KIRREL3: variants seen among roughly 807,000 people sequenced by gnomAD.
KIRREL3 encodes the protein kirre like nephrin family adhesion molecule 3.
Under a neutral mutation model 89.7 loss-of-function variants are expected in KIRREL3, and 36 were observed. The ratio of observed to expected loss-of-function variants is 0.40; its 90% CI spans 0.31 to 0.53. The LOEUF (loss-of-function observed/expected upper bound fraction) is 0.53, where lower values mean the gene tolerates loss of function less well. Ranked by LOEUF, KIRREL3 falls within the 20% of genes least tolerant of loss-of-function variation. The pLI, the probability that KIRREL3 is intolerant of heterozygous loss-of-function variation, is 0.49. For missense variants in KIRREL3, 864 were observed against 1,056.6 expected (o/e 0.82, Z 2.53); for synonymous variants, 445 against 441.4 (o/e 1.01, Z -0.10).
At chr11:126,841,964 C>T (rs1370291491) in intron 1 of KIRREL3, among the ~76,000 whole-genome samples, 1 of 152,216 alleles carries the variant, frequency 6.6e-6, no homozygotes, top group Admixed American at 6.5e-5. Context: ...AACCTTGCTT[C>T]CCGTTTTTTT....
rs1565538725 is a variant in KIRREL3 at position 126,544,570 on chromosome 11, T to C, written c.134-17883A>G. ...CTGGGGCTATGGAAGGGACTTTCCA[T>C]AGAGGGTCTTTGGCTGAGAGTCTGC... On this transcript the variant is annotated intron_variant, in intron 2 of 16. Transcript: ENST00000525144. The surrounding 1 kb of genome is among the most constrained non-coding windows in gnomAD (Gnocchi z 5.6). Among the ~76,000 whole-genome samples the C allele has an allele frequency of 6.6e-6, 1 of 152,124 alleles. No homozygotes were observed. The highest frequency in any genetic ancestry group is 6.5e-5 in the Admixed American group (1 of 15,280).
In KIRREL3 at chr11:126,441,226, G is replaced by C. The variant is rs1955551550; in HGVS notation, c.1253-677C>G. Among the ~76,000 whole-genome samples, 1 of 152,204 alleles carries C rather than the reference G, an allele frequency of 6.6e-6. No homozygotes were observed. Among genetic ancestry groups the C allele is most frequent in the Admixed American group, 6.5e-5 (1 of 15,284 alleles). The stretch of plus-strand genomic sequence containing the variant: ...GTCCATACCCAGACTGCCCAAGTGA[G>C]GCCATGGCTCCCAAACTGACCCCAA... On this transcript the variant is annotated intron_variant, in intron 10 of 16. Transcript: ENST00000525144. The surrounding 1 kb of genome is among the most constrained non-coding windows in gnomAD (Gnocchi z 5.0).
chr11:126,778,227 TG>T lies in KIRREL3; in HGVS notation c.56-215316del, dbSNP rs1428011845. ...ACATATTTTTTCTTTTTAATTAAAA[TG>T]GGATCATATTATACACCTTGTTCTG... On this transcript the variant is annotated intron_variant, in intron 1 of 16. Transcript: ENST00000525144. This position sits in a 1 kb window ranked among gnomAD's most constrained non-coding sequence, Gnocchi z 4.5. Among the ~76,000 whole-genome samples the T allele has an allele frequency of 6.6e-6, 1 of 152,174 alleles. No individual in the cohort carries two copies. Among genetic ancestry groups the T allele is most frequent in the Non-Finnish European group, 1.5e-5 (1 of 68,022 alleles).
Position 126,440,478 on chromosome 11 carries a change from T to A in KIRREL3, c.1324A>T (p.Ile442Phe). 1 of 1,595,178 alleles carries A rather than the reference T, an allele frequency of 6.3e-7. No homozygotes were observed. Among genetic ancestry groups the A allele is most frequent in the Non-Finnish European group, 8.5e-7 (1 of 1,171,590 alleles). Residue 442 changes from isoleucine to phenylalanine, a missense_variant, in exon 11 of 17, where the codon ATC becomes TTC. Physicochemically the swap from Ile to Phe is conservative, Grantham distance 21 (BLOSUM62 0). Coordinates refer to ENST00000525144, the MANE Select transcript of KIRREL3 (RefSeq NM_032531.4). ...HGEKGQIKCF[I>F]RSTPPPDRIA... ...CGGTCCGGCGGCGGCGTGCTCCGGA[T>A]GAAGCACTTGATCTGGCCCTTCTCG...
chr11:126,805,326 T>C lies in KIRREL3; in HGVS notation c.55+195129A>G, dbSNP rs1053927969. On this transcript the variant is annotated intron_variant, in intron 1 of 16. Coordinates refer to ENST00000525144, the MANE Select transcript of KIRREL3 (RefSeq NM_032531.4). The surrounding 1 kb of genome is among the most constrained non-coding windows in gnomAD (Gnocchi z 4.3). ...TGCCATTCATCAGTCAGCATTGATA[T>C]GGAGAGGGAAAGGAGATTACCCTAT... Among the ~76,000 whole-genome samples, 2 of 152,144 alleles carry C rather than the reference T, an allele frequency of 1.3e-5. No individual in the cohort carries two copies. The highest frequency in any genetic ancestry group is 4.8e-5 in the African/African-American group (2 of 41,422).
intron 1 of KIRREL3, among the ~76,000 whole-genome samples, chr11:126,865,137 C>T (rs1944875341): frequency 6.6e-6 from 1 of 152,236 alleles, no homozygotes; most frequent in Non-Finnish European, 1.5e-5. Flanking sequence ...TTCTCTTCTG[C>T]CCCTGGGCCA....
At chr11:126,784,111 C>T (rs113077608) in intron 1 of KIRREL3, among the ~76,000 whole-genome samples, 2,927 of 152,264 alleles carry the variant, frequency 0.019, 55 homozygotes, top group Admixed American at 0.07. Flanking sequence ...GTCACAGCCA[C>T]GTGGAGGTTA....
chr11:126,701,491 G>A (rs915384254), intron 1 of KIRREL3, among the ~76,000 whole-genome samples: 1 of 152,172 alleles, frequency 6.6e-6, no homozygotes, highest in Non-Finnish European at 1.5e-5. Flanking sequence ...GTGGCTTGGA[G>A]CTTGCAATCT....
At chr11:126,800,113 C>T (rs1196450533) in intron 1 of KIRREL3, among the ~76,000 whole-genome samples, 4 of 152,180 alleles carry the variant, frequency 2.6e-5, no homozygotes, top group Admixed American at 1.3e-4. Context: ...GGCTGGGCCC[C>T]GCTGCATCTA....
intron 1 of KIRREL3, chr11:126,936,009 C>T (rs1230023227): frequency 2.0e-5 from 3 of 152,174 alleles, no homozygotes; most frequent in Non-Finnish European, 4.4e-5. Flanking sequence ...GACCTCTGTA[C>T]TTTCTGTTCA....
chr11:126,436,745 C>T (rs1955355034), intron 12 of KIRREL3, 66 bp downstream of exon 12: 3 of 1,577,146 alleles, frequency 1.9e-6, no homozygotes, highest in Non-Finnish European at 1.7e-6. Flanking sequence ...GCGCCCTGAC[C>T]TAGGTGAGGA....
intron 1 of KIRREL3, among the ~76,000 whole-genome samples, chr11:126,880,595 A>T (rs551060257): frequency 6.6e-6 from 1 of 152,154 alleles, no homozygotes; most frequent in East Asian, 1.9e-4. Context: ...TGCAGAAACC[A>T]AGGTAACAAT....
intron 5 of KIRREL3, among the ~76,000 whole-genome samples, chr11:126,468,205 T>C (rs775541334): frequency 2.6e-5 from 4 of 152,132 alleles, no homozygotes; most frequent in Admixed American, 6.5e-5. Flanking sequence ...CTGTGTGGAC[T>C]TGGGGGCTTT....
Position 126,905,644 on chromosome 11 carries a change from T to C in KIRREL3, c.55+94811A>G, listed in dbSNP as rs751699448. ...CACAGTGGCTTGGTGTGTGATTCGG[T>C]GTGCTAAATGGCATGTCTCCATTCT... On this transcript the variant is annotated intron_variant, in intron 1 of 16. Coordinates refer to ENST00000525144, the MANE Select transcript of KIRREL3 (RefSeq NM_032531.4). The surrounding 1 kb of genome is among the most constrained non-coding windows in gnomAD (Gnocchi z 5.0). Among the ~76,000 whole-genome samples the C allele has an allele frequency of 5.9e-5, 9 of 152,072 alleles. No homozygotes were observed. Among genetic ancestry groups the C allele is most frequent in the Non-Finnish European group, 1.2e-4 (8 of 68,002 alleles).
chr11:126,507,404 C>T (rs983333742), intron 4 of KIRREL3, among the ~76,000 whole-genome samples: 2 of 152,188 alleles, frequency 1.3e-5, no homozygotes, highest in Non-Finnish European at 2.9e-5. Flanking sequence ...GCCACTTCCC[C>T]ATGAGGTCTA....
chr11:126,488,847 C>T (rs1389073840), intron 4 of KIRREL3, among the ~76,000 whole-genome samples: 1 of 152,216 alleles, frequency 6.6e-6, no homozygotes, highest in Non-Finnish European at 1.5e-5. Flanking sequence ...CAAAGCCCCA[C>T]AGCACCCAGG....
intron 2 of KIRREL3, among the ~76,000 whole-genome samples, chr11:126,552,606 G>A (rs1038112999): frequency 1.7e-5 from 2 of 118,542 alleles, no homozygotes; most frequent in African/African-American, 3.2e-5. Context: ...CTGTTGCTCC[G>A]GCTGAAGTGC....
chr11:126,887,913 G>A (rs1475137517), intron 1 of KIRREL3, among the ~76,000 whole-genome samples: 1 of 152,178 alleles, frequency 6.6e-6, no homozygotes, highest in African/African-American at 2.4e-5. Context: ...GAGAGGGGGT[G>A]GGAACAGGGG....
At chr11:126,507,340 A>G (rs1706163246) in intron 4 of KIRREL3, among the ~76,000 whole-genome samples, 2 of 152,178 alleles carry the variant, frequency 1.3e-5, no homozygotes, top group Non-Finnish European at 2.9e-5. Flanking sequence ...GAATTTAATG[A>G]TAATGTAGAG....
Sources: gnomAD v4.1 joint callset for allele counts (sites outside exome capture counted in the v4.1 genomes callset) on GRCh38, gnomAD v4.1.1 for gene constraint, Gnocchi (gnomAD v3.1) non-coding constraint, MANE v1.5 for transcripts, NCBI Gene and HGNC (gene_info 2026-07-23, HGNC 2026-07-21) for gene names.